The following GABRR3 variants were observed in gnomAD, a reference collection of about 807,000 sequenced individuals.
The protein encoded by GABRR3 is gamma-aminobutyric acid receptor subunit rho-3.
Under a neutral mutation model 43.2 loss-of-function variants are expected in GABRR3, and 29 were observed. That is an observed-to-expected ratio of 0.67 (90% CI 0.50 to 0.92). The LOEUF (loss-of-function observed/expected upper bound fraction) is 0.92. GABRR3 is among the 40% of genes least tolerant of loss of function. GABRR3 has a pLI of 0.00. For missense variants in GABRR3, 576 were observed against 572.3 expected (o/e 1.01, Z -0.07); for synonymous variants, 206 against 195.9 (o/e 1.05, Z -0.43).
chr3:98,029,929 A>C (rs2044331181), intron 2 of GABRR3, among the ~76,000 whole-genome samples: 1 of 151,988 alleles, frequency 6.6e-6, no homozygotes, highest in Non-Finnish European at 1.5e-5. Context: ...CAGACTGGCC[A>C]ACATGGTAAA....
At chr3:98,010,208 A>G (rs1380439760) in intron 5 of GABRR3, among the ~76,000 whole-genome samples, 1 of 152,246 alleles carries the variant, frequency 6.6e-6, no homozygotes, top group Non-Finnish European at 1.5e-5. Context: ...AAGGACACAG[A>G]TGAAAATCAA....
At chr3:98,035,101 T>A in intron 1 of GABRR3, 89 bp downstream of exon 1, 1 of 1,283,632 alleles carries the variant, frequency 7.8e-7, no homozygotes, top group Non-Finnish European at 1.1e-6. Flanking sequence ...GGGAAATGCA[T>A]TAGGGGAAAA....
intron 8 of GABRR3, among the ~76,000 whole-genome samples, chr3:97,994,995 T>G (rs1706516473): frequency 6.6e-6 from 1 of 152,060 alleles, no homozygotes; most frequent in Non-Finnish European, 1.5e-5. Flanking sequence ...TTTTTTTTTT[T>G]GAGATGGAGT....
intron 3 of GABRR3, among the ~76,000 whole-genome samples, chr3:98,021,653 T>G (rs1706949675): frequency 6.6e-6 from 1 of 152,188 alleles, no homozygotes; most frequent in South Asian, 2.1e-4. Flanking sequence ...ATTTTATTAA[T>G]TCAGTACCTA....
intron 9 of GABRR3, among the ~76,000 whole-genome samples, chr3:97,988,462 T>G (rs544624209): frequency 6.6e-6 from 1 of 152,286 alleles, no homozygotes; most frequent in South Asian, 2.1e-4. Flanking sequence ...GTTCTTCCAG[T>G]TCTGAGTGTC....
At chr3:98,024,394 C>G (rs1397443625) in intron 3 of GABRR3, among the ~76,000 whole-genome samples, 1 of 126,312 alleles carries the variant, frequency 7.9e-6, no homozygotes, top group Non-Finnish European at 1.7e-5. Context: ...AAAAAAAGAA[C>G]AGGAACCACA....
intron 2 of GABRR3, among the ~76,000 whole-genome samples, chr3:98,029,017 C>T (rs58573407): frequency 6.6e-6 from 1 of 151,958 alleles, no homozygotes; most frequent in East Asian, 1.9e-4. Context: ...TCTCCCCTCT[C>T]CCCCATTCTA....
At chr3:98,017,551 A>C in intron 4 of GABRR3, 104 bp downstream of exon 4, 1 of 804,734 alleles carries the variant, frequency 1.2e-6, no homozygotes, top group Non-Finnish European at 2.1e-6. Flanking sequence ...AGGAGACATA[A>C]ATAACATACA....
intron 3 of GABRR3, among the ~76,000 whole-genome samples, chr3:98,023,150 C>G (rs542329000): frequency 6.6e-6 from 1 of 152,286 alleles, no homozygotes; most frequent in South Asian, 2.1e-4. Flanking sequence ...GCGGCTGGTC[C>G]ATGGACCACT....
downstream of GABRR3, among the ~76,000 whole-genome samples, chr3:97,985,533 T>G (rs975501927): frequency 6.6e-6 from 1 of 151,986 alleles, no homozygotes; most frequent in African/African-American, 2.4e-5. Context: ...ATTCGTCACA[T>G]GTTTTATAGC....
chr3:98,005,799 A>G (rs1346494833), intron 7 of GABRR3, among the ~76,000 whole-genome samples: 1 of 152,132 alleles, frequency 6.6e-6, no homozygotes, highest in African/African-American at 2.4e-5. Context: ...AAATGCCATA[A>G]TTATTGTATA....
At chr3:98,020,504 T>G (rs1207357436) in intron 3 of GABRR3, among the ~76,000 whole-genome samples, 3 of 147,972 alleles carry the variant, frequency 2.0e-5, no homozygotes, top group Non-Finnish European at 3.0e-5. Flanking sequence ...GTGCTTCTCA[T>G]CATTTATTTA....
intron 5 of GABRR3, among the ~76,000 whole-genome samples, chr3:98,009,809 C>T (rs1039634977): frequency 1.3e-5 from 2 of 152,194 alleles, no homozygotes; most frequent in Non-Finnish European, 2.9e-5. Context: ...GGAGTAGGGA[C>T]ATTTTGTCTG....
At chr3:97,989,023 G>T (rs1387315142) in intron 9 of GABRR3, among the ~76,000 whole-genome samples, 5 of 151,232 alleles carry the variant, frequency 3.3e-5, no homozygotes, top group East Asian at 2.0e-4. Context: ...GGTGGTGCGG[G>T]TATATGGTAG....
At chr3:97,986,524 C>T (rs748529163), downstream of GABRR3, 4 of 553,180 alleles carry the variant, frequency 7.2e-6, no homozygotes, top group Non-Finnish European at 1.2e-5. Flanking sequence ...GACCTAAACT[C>T]TTTCTTAGAT....
chr3:98,014,104 G>A (rs1374466061), intron 4 of GABRR3, among the ~76,000 whole-genome samples: 1 of 152,140 alleles, frequency 6.6e-6, no homozygotes, highest in Non-Finnish European at 1.5e-5. Context: ...TAGGGGGAAG[G>A]GTGAATCACT....
At chr3:97,997,696 A>G (rs1056076844) in intron 8 of GABRR3, 11 of 152,194 alleles carry the variant, frequency 7.2e-5, no homozygotes, top group Non-Finnish European at 1.5e-4. Context: ...CAGCTTTATA[A>G]CTGTGGTCAT....
intron 2 of GABRR3, among the ~76,000 whole-genome samples, chr3:98,029,076 G>A (rs188342052): frequency 6.6e-6 from 1 of 152,076 alleles, no homozygotes; most frequent in African/African-American, 2.4e-5. Flanking sequence ...GAAGCTTTTG[G>A]ATTTCTTCTG....
At position 97,987,370 on chromosome 3, in the gene GABRR3, C is replaced by G. The variant is rs140668086; in HGVS notation, c.1105-388G>C. On this transcript the variant is annotated intron_variant, in intron 9 of 9. Coordinates refer to ENST00000621172, the Ensembl canonical transcript of GABRR3. ...TTATTTTTCTGAAGGAGCAAATTATCAATGCTTTCTGGCTCCAGTGCCTGA... is the reference window on the plus strand; with the variant it reads ...TTATTTTTCTGAAGGAGCAAATTATGAATGCTTTCTGGCTCCAGTGCCTGA... Among the ~76,000 whole-genome samples, 50 of 152,284 alleles carry G rather than the reference C, an allele frequency of 3.3e-4. No individual in the cohort carries two copies. In the East Asian group the frequency reaches 6.4e-3, roughly 19 times the overall value.
Sources: allele counts gnomAD v4.1 joint callset (sites outside exome capture counted in the v4.1 genomes callset), GRCh38; gene constraint gnomAD v4.1.1; transcripts MANE v1.5; gene names NCBI Gene and HGNC (gene_info 2026-07-23, HGNC 2026-07-21).